Variants in BMP7 observed in about 807,000 individuals in gnomAD.
BMP7 encodes the protein bone morphogenetic protein 7.
In BMP7, 12 loss-of-function variants were observed where a neutral mutation model predicts 41.2. That is an observed-to-expected ratio of 0.29 (90% confidence interval 0.19 to 0.47). The LOEUF is 0.47. Ranked by LOEUF, BMP7 falls within the 20% of genes least tolerant of loss-of-function variation. The pLI, the probability that BMP7 is intolerant of heterozygous loss-of-function variation, is 0.99. For missense variants in BMP7, 467 were observed against 606.0 expected, an observed-to-expected ratio of 0.77 and a Z score of 2.41; for synonymous variants, 248 against 250.0, an observed-to-expected ratio of 0.99 and a Z score of 0.07.
intron 3 of BMP7, among the ~76,000 whole-genome samples, chr20:57,194,989 T>C (rs1383971133): frequency 6.6e-6 from 1 of 152,168 alleles, no homozygotes; most frequent in Non-Finnish European, 1.5e-5. Flanking sequence ...GTAGGAGGGA[T>C]TCACTGAGGC....
In BMP7 at chr20:57,171,160, A is replaced by T; in HGVS notation, c.1147-52T>A. 1 of 1,612,134 alleles carries T rather than the reference A, an allele frequency of 6.2e-7. No individual in the cohort carries two copies. On this transcript the variant is annotated intron_variant, in intron 6 of 6. Coordinates refer to ENST00000395863, the MANE Select transcript of BMP7 (RefSeq NM_001719.3). This position sits in a 1 kb window ranked among gnomAD's most constrained non-coding sequence, Gnocchi z 4.5. ...GTGGTGAGAAGCGGTGAGTCGTTCTAACTGGCCTCCACGTTTCTATAAAGA... is the reference window on the plus strand; with the variant it reads ...GTGGTGAGAAGCGGTGAGTCGTTCTTACTGGCCTCCACGTTTCTATAAAGA...
intron 3 of BMP7, among the ~76,000 whole-genome samples, chr20:57,195,736 C>T (rs986605368): frequency 6.6e-6 from 1 of 152,254 alleles, no homozygotes; most frequent in Admixed American, 6.5e-5. Context: ...CCCTTCAATC[C>T]TTTAAATGCT....
intron 2 of BMP7, among the ~76,000 whole-genome samples, chr20:57,223,790 C>T (rs1985246222): frequency 6.6e-6 from 1 of 152,240 alleles, no homozygotes; most frequent in African/African-American, 2.4e-5. Context: ...CCATGGCTCT[C>T]TGCCCAAACA....
intron 1 of BMP7, among the ~76,000 whole-genome samples, chr20:57,246,093 C>T (rs538351901): frequency 6.6e-6 from 1 of 152,226 alleles, no homozygotes; most frequent in South Asian, 2.1e-4. Flanking sequence ...GATCTACACA[C>T]TGGTTACCCT....
Position 57,214,582 on chromosome 20 carries a change from G to C in BMP7, c.612-11959C>G, listed in dbSNP as rs150640867. Among the ~76,000 whole-genome samples the C allele has an allele frequency of 3.9e-5, 6 of 152,138 alleles. No homozygotes were observed. The East Asian group carries it at 1.2e-3, about 29-fold the overall frequency. On this transcript the variant is annotated intron_variant, in intron 2 of 6. Coordinates refer to ENST00000395863, the MANE Select transcript of BMP7 (RefSeq NM_001719.3). The surrounding 1 kb of genome is among the most constrained non-coding windows in gnomAD (Gnocchi z 4.0). The stretch of plus-strand genomic sequence containing the variant: ...CTGTGCCAGTCTCCAGCCCACCACA[G>C]CCCCTCACACATGCTGTTTCCGCTG...
chr20:57,193,478 G>A (rs1465031174), intron 3 of BMP7, among the ~76,000 whole-genome samples: 1 of 152,152 alleles, frequency 6.6e-6, no homozygotes, highest in South Asian at 2.1e-4. Context: ...GGCTCCGACC[G>A]CCGGCCTCTG....
chr20:57,234,222 C>A (rs1435873944), intron 1 of BMP7, among the ~76,000 whole-genome samples: 1 of 152,214 alleles, frequency 6.6e-6, no homozygotes, highest in Non-Finnish European at 1.5e-5. Flanking sequence ...AGGAAGCCAG[C>A]CTTAACCTTG....
chr20:57,209,249 T>TTA (rs57062226), intron 2 of BMP7, among the ~76,000 whole-genome samples: 9,073 of 94,416 alleles, frequency 0.096, 412 homozygotes, highest in East Asian at 0.14. Flanking sequence ...TTATATATTT[T>TTA]TATATATATA....
intron 3 of BMP7, among the ~76,000 whole-genome samples, chr20:57,185,676 T>C (rs979541626): frequency 6.6e-6 from 1 of 152,208 alleles, no homozygotes; most frequent in Admixed American, 6.5e-5. Context: ...AGAGATGAGC[T>C]CTGGGCTAGT....
At chr20:57,258,330 G>A (rs1048736001) in intron 1 of BMP7, among the ~76,000 whole-genome samples, 3 of 152,118 alleles carry the variant, frequency 2.0e-5, no homozygotes, top group Non-Finnish European at 4.4e-5. Flanking sequence ...ATCCACACAG[G>A]GCTTTGTTGT....
At position 57,266,212 on chromosome 20, in the gene BMP7, C is replaced by A; in HGVS notation, c.-90G>T. 2.3e-6 allele frequency: 3 copies of A among 1,309,378 alleles called. No individual in the cohort carries two copies. In the South Asian group the frequency reaches 5.3e-5, roughly 23 times the overall value. 81.1% of individuals were successfully genotyped at this position (1,309,378 alleles called of 1,614,324 possible). On this transcript the variant is annotated 5_prime_UTR_variant, in exon 1 of 7. Transcript: ENST00000395863. ...GGGGCAGGCGGCCGTCCGCGCCGCT[C>A]GGTCACTTGCTGCAGACGGGCCCCG...
At position 57,265,774 on chromosome 20, in the gene BMP7, G is replaced by A. The variant is rs2146035890; in HGVS notation, c.349C>T (p.Pro117Ser). The change falls in exon 1 of 7, where the codon CCT becomes TCT. Residue 117 changes from proline to serine, a missense_variant. Pro to Ser is a moderately conservative substitution (Grantham distance 74, BLOSUM62 -1). Around this residue, in one of 2 missense-constraint regions of BMP7, gnomAD observed 407 missense variants for 485.9 expected, o/e 0.84. Coordinates refer to ENST00000395863, the MANE Select transcript of BMP7 (RefSeq NM_001719.3). The stretch of plus-strand genomic sequence containing the variant: ...TGGCTATCTTGCAGGCTGGCCAGAG[G>A]GGGGCCCTGGGTACTGAAGACGGCC... Reference protein sequence around the residue: ...YKAVFSTQGPPLASLQDSHFL... With the variant: ...YKAVFSTQGPSLASLQDSHFL... The A allele has an allele frequency of 3.7e-6, 6 of 1,610,730 alleles. No individual in the cohort carries two copies. Among genetic ancestry groups the A allele is most frequent in the Non-Finnish European group, 5.1e-6 (6 of 1,178,734 alleles).
intron 2 of BMP7, among the ~76,000 whole-genome samples, chr20:57,206,227 G>A (rs903590855): frequency 6.6e-6 from 1 of 152,156 alleles, no homozygotes; most frequent in Non-Finnish European, 1.5e-5. Flanking sequence ...GGTAAGGAAG[G>A]CTCAGGGTGA....
At chr20:57,197,242 A>G (rs975013063) in intron 3 of BMP7, among the ~76,000 whole-genome samples, 1 of 151,886 alleles carries the variant, frequency 6.6e-6, no homozygotes, top group African/African-American at 2.4e-5. Flanking sequence ...AGCCCATAGA[A>G]GTCAAGGGCA....
intron 2 of BMP7, among the ~76,000 whole-genome samples, chr20:57,219,245 G>T (rs1009154062): frequency 3.9e-5 from 5 of 127,712 alleles, no homozygotes; most frequent in Non-Finnish European, 7.4e-5. Context: ...GCTGGTGTTT[G>T]CTGGTAGCTG....
chr20:57,192,935 G>A (rs958947429), intron 3 of BMP7, among the ~76,000 whole-genome samples: 1 of 152,114 alleles, frequency 6.6e-6, no homozygotes, highest in Admixed American at 6.5e-5. Context: ...GGATAGAAAG[G>A]CTTTCCTGCG....
intron 1 of BMP7, among the ~76,000 whole-genome samples, chr20:57,239,444 ATGGGC>A (rs1457655593): frequency 6.6e-6 from 1 of 152,102 alleles, no homozygotes; most frequent in Non-Finnish European, 1.5e-5. Flanking sequence ...AGCTGCTTTC[ATGGGC>A]TGGCATTGAA....
intron 4 of BMP7, among the ~76,000 whole-genome samples, chr20:57,176,621 T>C (rs560819637): frequency 8.5e-5 from 13 of 152,284 alleles, no homozygotes; most frequent in Admixed American, 5.9e-4. Context: ...CTTGGACTCC[T>C]GGTTTGCAAA....
At chr20:57,244,971 G>T (rs2066084027) in intron 1 of BMP7, among the ~76,000 whole-genome samples, 1 of 152,224 alleles carries the variant, frequency 6.6e-6, no homozygotes, top group Admixed American at 6.5e-5. Flanking sequence ...ATTAGGCCCA[G>T]GAGATGCAGG....
Sources: gnomAD v4.1 joint callset for allele counts (sites outside exome capture counted in the v4.1 genomes callset) on GRCh38, gnomAD v4.1.1 for gene constraint, gnomAD v4.1.1 regional missense constraint, Gnocchi (gnomAD v3.1) non-coding constraint, MANE v1.5 for transcripts, NCBI Gene and HGNC (gene_info 2026-07-23, HGNC 2026-07-21) for gene names.